The following CAMTA1 variants were observed in gnomAD, a reference collection of about 807,000 sequenced individuals.
CAMTA1 encodes the protein calmodulin binding transcription activator 1, also known as calmodulin-binding transcription activator 1.
In CAMTA1, 27 loss-of-function variants were observed where a neutral mutation model predicts 170.9. The ratio of observed to expected loss-of-function variants is 0.16; its 90% CI spans 0.12 to 0.22. The LOEUF is 0.22. Ranked by LOEUF, CAMTA1 falls within the 10% of genes least tolerant of loss-of-function variation. The pLI is 1.00. For synonymous variants in CAMTA1, 833 were observed against 891.5 expected, an observed-to-expected ratio of 0.93 and a Z score of 1.17; for missense variants, 1,619 against 2,217.2, an observed-to-expected ratio of 0.73 and a Z score of 5.42.
At chr1:7,246,694 A>C (rs1237898144) in intron 4 of CAMTA1, among the ~76,000 whole-genome samples, 1 of 14,556 alleles carries the variant, frequency 6.9e-5, no homozygotes, top group African/African-American at 3.8e-4. Flanking sequence ...TTTTTTTTTG[A>C]CATGCTTTGT....
intron 4 of CAMTA1, among the ~76,000 whole-genome samples, chr1:7,178,223 G>A (rs1392914085): frequency 1.3e-5 from 2 of 152,158 alleles, no homozygotes; most frequent in East Asian, 1.9e-4. Context: ...GCAGAGTGTA[G>A]GGCCATAGGA....
chr1:7,656,860 G>T (rs2095908144), intron 7 of CAMTA1, among the ~76,000 whole-genome samples: 1 of 152,252 alleles, frequency 6.6e-6, no homozygotes, highest in South Asian at 2.1e-4. Context: ...CATATTAGTG[G>T]AAGCGCTGCT....
rs184689680 is a variant in CAMTA1 at position 7,249,551 on chromosome 1, G to A, written c.363G>A (p.Gly121=). The change falls in exon 5 of 23, where the codon GGG becomes GGA. Residue 121 remains glycine (G), a synonymous_variant. Transcript: ENST00000303635. This position sits in a 1 kb window ranked among gnomAD's most constrained non-coding sequence, Gnocchi z 4.4. ...AGAAAGTGAAATACAGGAAAGATGG[G>A]TATTGCTGGAAAAAGAGGAAAGATG... ...NRKKVKYRKD[G]YCWKKRKDGK... is the part of the protein sequence containing the mutation. 1.6e-4 allele frequency: 257 copies of A among 1,614,030 alleles called. 2 individuals carry two copies. The East Asian group carries it at 5.3e-3, about 33-fold the overall frequency.
chr1:7,704,965 CGCGGGGCGGGG>C (rs1459340818), intron 11 of CAMTA1, among the ~76,000 whole-genome samples: 5 of 30,346 alleles, frequency 1.6e-4, no homozygotes, highest in African/African-American at 5.6e-4. Context: ...CGGGGGCGCG[CGCGGGGCGGGG>C]GCGGGGCCGG....
chr1:7,103,868 C>T (rs796133799), intron 4 of CAMTA1, among the ~76,000 whole-genome samples: 3 of 139,406 alleles, frequency 2.2e-5, no homozygotes, highest in Non-Finnish European at 3.1e-5. Context: ...CATACACACA[C>T]ACACAACTAC....
chr1:6,802,138 G>T (rs1263637977), intron 1 of CAMTA1, among the ~76,000 whole-genome samples: 2 of 152,232 alleles, frequency 1.3e-5, no homozygotes, highest in African/African-American at 4.8e-5. Flanking sequence ...CTGAAGTGCA[G>T]CTGGGCAGTG....
chr1:7,221,900 G>GGCAT, intron 4 of CAMTA1, among the ~76,000 whole-genome samples: 1 of 127,438 alleles, frequency 7.8e-6, no homozygotes, highest in African/African-American at 5.1e-5. Flanking sequence ...TGCACAAGCT[G>GGCAT]GTGCATACAC....
chr1:6,793,038 C>T (rs1641570064), intron 1 of CAMTA1, among the ~76,000 whole-genome samples: 1 of 151,812 alleles, frequency 6.6e-6, no homozygotes, highest in Admixed American at 6.6e-5. Flanking sequence ...TATATATATA[C>T]CCCACTCTTA....
chr1:7,736,092 G>A lies in CAMTA1; in HGVS notation c.3067-252G>A, dbSNP rs1436479556. ...GCGCAGCCTAAATTTTGTACTTTTTGTAGAGACAGGGTCTCACCATGTTGC... is the reference window on the plus strand; with the variant it reads ...GCGCAGCCTAAATTTTGTACTTTTTATAGAGACAGGGTCTCACCATGTTGC... On this transcript the variant is annotated intron_variant, in intron 12 of 22. Coordinates refer to ENST00000303635, the MANE Select transcript of CAMTA1 (RefSeq NM_015215.4). The surrounding 1 kb of genome is among the most constrained non-coding windows in gnomAD (Gnocchi z 4.5). Among the ~76,000 whole-genome samples, 1 of 151,850 alleles carries A rather than the reference G, an allele frequency of 6.6e-6. No individual in the cohort carries two copies. The highest frequency in any genetic ancestry group is 1.5e-5 in the Non-Finnish European group (1 of 67,970).
intron 6 of CAMTA1, among the ~76,000 whole-genome samples, chr1:7,491,486 G>A (rs546973555): frequency 1.6e-4 from 24 of 152,300 alleles, no homozygotes; most frequent in African/African-American, 5.1e-4. Flanking sequence ...GTGTACTGCC[G>A]ATTGTCCAAT....
At chr1:6,816,332 A>G (rs888957961) in intron 1 of CAMTA1, among the ~76,000 whole-genome samples, 1 of 152,072 alleles carries the variant, frequency 6.6e-6, no homozygotes, top group African/African-American at 2.4e-5. Flanking sequence ...TCTTCCCCCC[A>G]CTAGAATGTA....
At chr1:7,651,204 T>C (rs2095846780) in intron 7 of CAMTA1, among the ~76,000 whole-genome samples, 1 of 152,108 alleles carries the variant, frequency 6.6e-6, no homozygotes, top group African/African-American at 2.4e-5. Flanking sequence ...TCTGGGTCTT[T>C]CTTGGGTGGC....
intron 6 of CAMTA1, among the ~76,000 whole-genome samples, chr1:7,623,404 A>C (rs2095612133): frequency 6.6e-6 from 1 of 152,198 alleles, no homozygotes; most frequent in Non-Finnish European, 1.5e-5. Flanking sequence ...TACCTGCAGG[A>C]GAGTGGGTGA....
chr1:6,971,368 C>T lies in CAMTA1; in HGVS notation c.235-119936C>T, dbSNP rs985238446. 2.0e-5 allele frequency among the ~76,000 whole-genome samples: 3 copies of T among 152,168 alleles called. No individual in the cohort carries two copies. The highest frequency in any genetic ancestry group is 2.4e-5 in the African/African-American group (1 of 41,432). On this transcript the variant is annotated intron_variant, in intron 3 of 22. Transcript: ENST00000303635. The surrounding 1 kb of genome is among the most constrained non-coding windows in gnomAD (Gnocchi z 4.6). ...AAATAGCAGACGATCGGATTGTATC[C>T]GTGTCATTCTGCTGCCACTTTAATG...
intron 3 of CAMTA1, among the ~76,000 whole-genome samples, chr1:6,983,341 A>C (rs1301858566): frequency 6.6e-6 from 1 of 151,956 alleles, no homozygotes; most frequent in Non-Finnish European, 1.5e-5. Flanking sequence ...TTCCAGCTAT[A>C]CTGGCTGCCT....
At chr1:7,601,763 A>T (rs1424868505) in intron 6 of CAMTA1, among the ~76,000 whole-genome samples, 1 of 152,112 alleles carries the variant, frequency 6.6e-6, no homozygotes, top group Non-Finnish European at 1.5e-5. Context: ...ACACAGCGAA[A>T]CCCCGTCTCC....
chr1:7,404,017 C>A (rs772227060), intron 5 of CAMTA1, among the ~76,000 whole-genome samples: 2 of 152,148 alleles, frequency 1.3e-5, no homozygotes, highest in Non-Finnish European at 1.5e-5. Context: ...TACTGAACAC[C>A]TTTTGTGGCT....
At chr1:6,972,377 A>C (rs1692701702) in intron 3 of CAMTA1, among the ~76,000 whole-genome samples, 1 of 152,234 alleles carries the variant, frequency 6.6e-6, no homozygotes, top group Non-Finnish European at 1.5e-5. Context: ...GTAAATTAAT[A>C]TTGATTTGAC....
chr1:7,505,565 C>A (rs1027305114), intron 6 of CAMTA1, among the ~76,000 whole-genome samples: 1 of 152,190 alleles, frequency 6.6e-6, no homozygotes, highest in Non-Finnish European at 1.5e-5. Flanking sequence ...GGCCACCCAC[C>A]CAGGGCTGCA....
Sources: allele counts gnomAD v4.1 joint callset (sites outside exome capture counted in the v4.1 genomes callset), GRCh38; gene constraint gnomAD v4.1.1; non-coding constraint Gnocchi (gnomAD v3.1); transcripts MANE v1.5; gene names NCBI Gene and HGNC (gene_info 2026-07-23, HGNC 2026-07-21).